Variants in GABBR2 observed in about 807,000 individuals in gnomAD.
GABBR2 encodes G-protein coupled receptor 51.
GABBR2 carries 23 observed loss-of-function variants against 105.6 expected under a neutral mutation model. That is an observed-to-expected ratio of 0.22 (90% CI 0.16 to 0.31). GABBR2 has a LOEUF of 0.31. Among genes scored for constraint, GABBR2 ranks in the 10% least tolerant of loss-of-function variants. The probability of loss-of-function intolerance (pLI) is 1.00; values close to 1 mark genes in which losing one functional copy is unlikely to be tolerated. For missense variants in GABBR2, 734 were observed against 1,245.5 expected (o/e 0.59, Z 6.18); for synonymous variants, 478 against 499.7 (o/e 0.96, Z 0.58).
At chr9:98,518,079 C>T (rs1329990676) in intron 3 of GABBR2, among the ~76,000 whole-genome samples, 2 of 152,134 alleles carry the variant, frequency 1.3e-5, no homozygotes, top group South Asian at 2.1e-4. Flanking sequence ...GTATTTTTTA[C>T]CTTGGCTGCT....
chr9:98,487,107 T>C (rs574488207), intron 4 of GABBR2, among the ~76,000 whole-genome samples: 8 of 152,366 alleles, frequency 5.3e-5, no homozygotes, highest in Non-Finnish European at 8.8e-5. Context: ...TGAAAATTCA[T>C]GTATATTTAA....
At chr9:98,382,259 CAA>C (rs1323520370) in intron 11 of GABBR2, among the ~76,000 whole-genome samples, 1 of 152,134 alleles carries the variant, frequency 6.6e-6, no homozygotes, top group African/African-American at 2.4e-5. Context: ...GGGAACAAGG[CAA>C]GCCCCTTGCC....
chr9:98,573,167 T>C (rs1257574243), intron 2 of GABBR2, among the ~76,000 whole-genome samples: 1 of 152,126 alleles, frequency 6.6e-6, no homozygotes, highest in Non-Finnish European at 1.5e-5. Context: ...GCCCAGACCC[T>C]GCGCCAGACA....
At chr9:98,637,880 C>T (rs1486771778) in intron 1 of GABBR2, among the ~76,000 whole-genome samples, 1 of 152,158 alleles carries the variant, frequency 6.6e-6, no homozygotes. Flanking sequence ...TTTGTTACAG[C>T]AGCAAGAGAA....
intron 7 of GABBR2, among the ~76,000 whole-genome samples, chr9:98,452,580 A>G (rs10986321): frequency 7.9e-5 from 12 of 152,224 alleles, no homozygotes; most frequent in African/African-American, 2.7e-4. Flanking sequence ...ATTAACAGTA[A>G]CAATAGAATT....
At chr9:98,479,313 T>C (rs1396148596) in intron 5 of GABBR2, among the ~76,000 whole-genome samples, 1 of 152,158 alleles carries the variant, frequency 6.6e-6, no homozygotes, top group East Asian at 1.9e-4. Context: ...GTACATGAGG[T>C]ACTATGCAGA....
intron 1 of GABBR2, among the ~76,000 whole-genome samples, chr9:98,597,780 G>A (rs1336591877): frequency 6.6e-6 from 1 of 152,156 alleles, no homozygotes; most frequent in Non-Finnish European, 1.5e-5. Flanking sequence ...GAAGAGCAGG[G>A]AAGAGAGTAT....
intron 7 of GABBR2, among the ~76,000 whole-genome samples, chr9:98,419,306 T>C (rs1832741671): frequency 6.6e-6 from 1 of 152,140 alleles, no homozygotes; most frequent in Admixed American, 6.5e-5. Context: ...GTCACACTGG[T>C]TGCAGTGTCT....
intron 1 of GABBR2, among the ~76,000 whole-genome samples, chr9:98,613,821 C>T (rs1218770015): frequency 6.6e-6 from 1 of 152,086 alleles, no homozygotes; most frequent in African/African-American, 2.4e-5. Context: ...ATGAACTCAG[C>T]CAGAAGAAAA....
chr9:98,533,213 G>A (rs1362680743), intron 3 of GABBR2, among the ~76,000 whole-genome samples: 1 of 152,148 alleles, frequency 6.6e-6, no homozygotes, highest in Non-Finnish European at 1.5e-5. Context: ...TAAAGTTACT[G>A]CTTACTTTTC....
chr9:98,353,041 C>T lies in GABBR2; in HGVS notation c.1893+9674G>A, dbSNP rs570111530. 6.6e-5 allele frequency among the ~76,000 whole-genome samples: 10 copies of T among 152,198 alleles called. No homozygotes were observed. The East Asian group carries it at 1.7e-3, about 27-fold the overall frequency. On this transcript the variant is annotated intron_variant, in intron 13 of 18. Coordinates refer to ENST00000259455, the MANE Select transcript of GABBR2 (RefSeq NM_005458.8). ...TGAATGGGACCCAGAGTGAAATCCT[C>T]TGGAAAATGCAGTTGTATGGACTCC... is the stretch of plus-strand genomic sequence containing the variant.
At chr9:98,609,976 A>T (rs1829481778) in intron 1 of GABBR2, among the ~76,000 whole-genome samples, 1 of 152,198 alleles carries the variant, frequency 6.6e-6, no homozygotes, top group Non-Finnish European at 1.5e-5. Flanking sequence ...CCAGACACGG[A>T]GGCTGCACTT....
chr9:98,576,836 T>G (rs1362001638), intron 2 of GABBR2, among the ~76,000 whole-genome samples: 2 of 152,200 alleles, frequency 1.3e-5, no homozygotes, highest in Non-Finnish European at 2.9e-5. Flanking sequence ...ATACCTATCC[T>G]GTTCAGCATT....
intron 5 of GABBR2, among the ~76,000 whole-genome samples, chr9:98,475,482 C>T (rs1826773065): frequency 6.6e-6 from 1 of 152,182 alleles, no homozygotes. Context: ...CTTCACAACT[C>T]TCATCTTTTA....
intron 13 of GABBR2, among the ~76,000 whole-genome samples, chr9:98,316,615 T>A (rs1045287012): frequency 1.3e-5 from 2 of 152,234 alleles, no homozygotes; most frequent in Non-Finnish European, 1.5e-5. Context: ...CCTGTCCTCA[T>A]GGCTCTCCCA....
chr9:98,384,242 ATTACT>A (rs766124988), intron 11 of GABBR2, among the ~76,000 whole-genome samples: 9 of 152,168 alleles, frequency 5.9e-5, no homozygotes, highest in Non-Finnish European at 1.2e-4. Context: ...ATCCCAACTG[ATTACT>A]TTATTCTTAA....
At chr9:98,341,421 G>T (rs1172337281) in intron 13 of GABBR2, among the ~76,000 whole-genome samples, 1 of 152,156 alleles carries the variant, frequency 6.6e-6, no homozygotes, top group African/African-American at 2.4e-5. Flanking sequence ...TTTACACCTT[G>T]CCTCCTCTCC....
chr9:98,651,630 C>T (rs1432531514), intron 1 of GABBR2, among the ~76,000 whole-genome samples: 1 of 151,882 alleles, frequency 6.6e-6, no homozygotes, highest in Non-Finnish European at 1.5e-5. Context: ...ATGGGTCTCG[C>T]TATGTTTTCC....
At chr9:98,377,562 C>A (rs1564039036) in intron 11 of GABBR2, among the ~76,000 whole-genome samples, 1 of 152,170 alleles carries the variant, frequency 6.6e-6, no homozygotes, top group Non-Finnish European at 1.5e-5. Context: ...ATCTACACTG[C>A]CAGCTCCTCG....
Sources: allele counts gnomAD v4.1 joint callset (sites outside exome capture counted in the v4.1 genomes callset), GRCh38; gene constraint gnomAD v4.1.1; transcripts MANE v1.5; gene names NCBI Gene and HGNC (gene_info 2026-07-23, HGNC 2026-07-21).